The following ARHGEF4 variants were observed in gnomAD, a reference collection of about 807,000 sequenced individuals.
ARHGEF4 encodes Rho guanine nucleotide exchange factor 4.
Under a neutral mutation model 162.0 loss-of-function variants are expected in ARHGEF4, and 119 were observed. The ratio of observed to expected loss-of-function variants is 0.73; its 90% CI spans 0.63 to 0.86. The LOEUF is 0.86. ARHGEF4 is among the 40% of genes least tolerant of loss of function. The probability of loss-of-function intolerance (pLI) is 0.00; values close to 1 mark genes in which losing one functional copy is unlikely to be tolerated. For missense variants in ARHGEF4, 2,488 were observed against 2,456.0 expected (o/e 1.01, Z -0.28); for synonymous variants, 1,014 against 979.9 (o/e 1.03, Z -0.65).
intron 2 of ARHGEF4, among the ~76,000 whole-genome samples, chr2:130,924,020 A>G (rs1682063115): frequency 6.6e-6 from 1 of 151,076 alleles, no homozygotes; most frequent in African/African-American, 2.4e-5. Context: ...AGCTGGGACT[A>G]CAGGCACCCG....
chr2:130,932,176 C>T (rs187041547), intron 3 of ARHGEF4, among the ~76,000 whole-genome samples: 18 of 152,278 alleles, frequency 1.2e-4, no homozygotes, highest in East Asian at 3.9e-4. Flanking sequence ...TTGTGACTGG[C>T]GTTTTTCACT....
At chr2:130,942,513 CA>C (rs1683371396) in intron 3 of ARHGEF4, among the ~76,000 whole-genome samples, 1 of 151,922 alleles carries the variant, frequency 6.6e-6, no homozygotes, top group Non-Finnish European at 1.5e-5. Context: ...TGTGTAAACA[CA>C]AAAAGATCAA....
At position 131,039,012 on chromosome 2, in the gene ARHGEF4, T is replaced by C. The variant is rs1198734336; in HGVS notation, c.4285T>C (p.Phe1429Leu). Residue 1429 changes from phenylalanine (F) to leucine (L), a missense_variant, in exon 6 of 14, where the codon TTT becomes CTT. Phe to Leu is a conservative substitution (Grantham distance 22). Transcript: ENST00000409359. ...CCGGGTCGCCGATGGCGAGGGCTGGTTTCCAGCCAGCTTCGTTCGGGTATG... is the reference window on the plus strand; with the variant it reads ...CCGGGTCGCCGATGGCGAGGGCTGGCTTCCAGCCAGCTTCGTTCGGGTATG... ...WGRVADGEGW[F>L]PASFVRLRVN... The C allele has an allele frequency of 1.9e-6, 3 of 1,612,946 alleles. No homozygotes were observed. The Admixed American group carries it at 5.0e-5, about 27-fold the overall frequency.
intron 4 of ARHGEF4, among the ~76,000 whole-genome samples, chr2:131,000,161 A>C (rs1047001680): frequency 6.6e-6 from 1 of 152,260 alleles, no homozygotes; most frequent in African/African-American, 2.4e-5. Context: ...GTAATGAAGG[A>C]TTAAACTTTT....
At chr2:130,968,286 G>A (rs752552039) in intron 4 of ARHGEF4, among the ~76,000 whole-genome samples, 1 of 152,196 alleles carries the variant, frequency 6.6e-6, no homozygotes, top group African/African-American at 2.4e-5. Context: ...AGCCTTAACT[G>A]CACAGATGAG....
At chr2:130,852,879 G>T (rs554137577) in intron 1 of ARHGEF4, among the ~76,000 whole-genome samples, 1 of 152,216 alleles carries the variant, frequency 6.6e-6, no homozygotes, top group Non-Finnish European at 1.5e-5. Context: ...GAAAAGGGCT[G>T]AGCGACACAA....
At chr2:130,978,402 G>A (rs765577532) in intron 4 of ARHGEF4, among the ~76,000 whole-genome samples, 4 of 152,124 alleles carry the variant, frequency 2.6e-5, no homozygotes, top group Non-Finnish European at 5.9e-5. Context: ...ATCACAGCAG[G>A]ACCAACCTAG....
chr2:130,905,812 C>T (rs115705527), intron 1 of ARHGEF4, among the ~76,000 whole-genome samples: 3,574 of 152,166 alleles, frequency 0.023, 144 homozygotes, highest in African/African-American at 0.081. Flanking sequence ...TAAACTTTAT[C>T]ATAGGTATAT....
intron 4 of ARHGEF4, among the ~76,000 whole-genome samples, chr2:131,025,319 A>T (rs761064000): frequency 4.8e-4 from 73 of 152,190 alleles, no homozygotes; most frequent in Admixed American, 1.4e-3. Context: ...GCAAGGGGGA[A>T]ATCCGCCCCC....
chr2:130,837,118 C>T (rs1680247674), intron 1 of ARHGEF4, 126 bp downstream of exon 1: 1 of 881,820 alleles, frequency 1.1e-6, no homozygotes, highest in African/African-American at 1.8e-5. Flanking sequence ...TGGGGACACC[C>T]TCGTGGCTCC....
Position 130,916,805 on chromosome 2 carries a change from G to A in ARHGEF4, c.2859G>A (p.Arg953=). 4 of 1,550,418 alleles carry A rather than the reference G, an allele frequency of 2.6e-6. No individual in the cohort carries two copies. The highest frequency in any genetic ancestry group is 2.4e-5 in the South Asian group (2 of 84,050). The change falls in exon 2 of 14, where the codon CGG becomes CGA. Residue 953 remains arginine (R), a synonymous_variant. Transcript: ENST00000409359. ...EKSRLRQGSW[R]AFLKSKDAGS... ...GCAGGCTGCGCCAGGGTTCCTGGCG[G>A]GCGTTTCTGAAAAGCAAAGATGCCG... is the stretch of plus-strand genomic sequence containing the variant.
chr2:130,891,768 T>G (rs1290313371), intron 1 of ARHGEF4, among the ~76,000 whole-genome samples: 1 of 152,086 alleles, frequency 6.6e-6, no homozygotes, highest in Non-Finnish European at 1.5e-5. Context: ...CATACAACCT[T>G]CATTACCTCC....
chr2:131,007,173 T>G (rs1688169026), intron 4 of ARHGEF4, among the ~76,000 whole-genome samples: 1 of 152,214 alleles, frequency 6.6e-6, no homozygotes, highest in Non-Finnish European at 1.5e-5. Context: ...GAAGATGTCT[T>G]CACTCTAGAT....
chr2:130,962,070 C>G (rs540789042), intron 4 of ARHGEF4, among the ~76,000 whole-genome samples: 19 of 152,212 alleles, frequency 1.2e-4, no homozygotes, highest in Admixed American at 9.8e-4. Flanking sequence ...AAAACCCTGT[C>G]TCTACTAAAA....
chr2:130,915,975 T>A lies in ARHGEF4; in HGVS notation c.2029T>A (p.Ser677Thr), dbSNP rs1286928410. ...PLSTGETPCESPTRGKTPAGN... is the reference protein window; with the variant it reads ...PLSTGETPCETPTRGKTPAGN... The stretch of plus-strand genomic sequence containing the variant: ...GAGCACTGGCGAGACCCCCTGTGAG[T>A]CTCCCACTAGGGGGAAAACACCAGC... The change falls in exon 2 of 14, where the codon TCT becomes ACT. Residue 677 changes from serine to threonine, a missense_variant. Transcript: ENST00000409359. 1.3e-6 allele frequency: 2 copies of A among 1,550,342 alleles called. No homozygotes were observed. The highest frequency in any genetic ancestry group is 1.4e-5 in the African/African-American group (1 of 73,122).
At chr2:130,848,290 C>T (rs966201964) in intron 1 of ARHGEF4, among the ~76,000 whole-genome samples, 4 of 152,200 alleles carry the variant, frequency 2.6e-5, no homozygotes, top group East Asian at 1.9e-4. Flanking sequence ...CCACCTTGTG[C>T]GCTGCCCCAG....
intron 5 of ARHGEF4, among the ~76,000 whole-genome samples, chr2:131,029,314 G>A (rs141989537): frequency 0.026 from 3,940 of 152,118 alleles, 161 homozygotes; most frequent in African/African-American, 0.089. Flanking sequence ...AGCCAAGATC[G>A]TGCCACTGCA....
At chr2:130,993,745 T>C (rs950322557) in intron 4 of ARHGEF4, among the ~76,000 whole-genome samples, 2 of 152,202 alleles carry the variant, frequency 1.3e-5, no homozygotes, top group African/African-American at 4.8e-5. Context: ...GGCTAGAGTC[T>C]GTAGGACATA....
At chr2:130,881,576 T>TG (rs1679191270) in intron 1 of ARHGEF4, among the ~76,000 whole-genome samples, 1 of 151,158 alleles carries the variant, frequency 6.6e-6, no homozygotes, top group African/African-American at 2.5e-5. Context: ...CTGCCCTTGC[T>TG]GGTGGGAGTT....
Sources: gnomAD v4.1 joint callset for allele counts (sites outside exome capture counted in the v4.1 genomes callset) on GRCh38, gnomAD v4.1.1 for gene constraint, MANE v1.5 for transcripts, NCBI Gene and HGNC (gene_info 2026-07-23, HGNC 2026-07-21) for gene names.